Variants in DNAH14 observed in about 807,000 individuals in gnomAD.
DNAH14 encodes dynein axonemal heavy chain 14, also known as axonemal beta dynein heavy chain 14.
A neutral mutation model predicts 520.9 loss-of-function variants in DNAH14; 478 were observed. The observed-to-expected ratio is 0.92, with a 90% confidence interval of 0.85 to 0.99. DNAH14 has a LOEUF of 0.99. Among genes scored for constraint, DNAH14 ranks in the 50% least tolerant of loss-of-function variants. The pLI, the probability that DNAH14 is intolerant of heterozygous loss-of-function variation, is 0.00. For missense variants in DNAH14, 4,831 were observed against 5,234.5 expected, an observed-to-expected ratio of 0.92 and a Z score of 2.38; for synonymous variants, 1,581 against 1,757.2, an observed-to-expected ratio of 0.90 and a Z score of 2.51.
At chr1:225,208,546 A>G (rs913954546) in intron 41 of DNAH14, among the ~76,000 whole-genome samples, 1 of 152,186 alleles carries the variant, frequency 6.6e-6, no homozygotes, top group African/African-American at 2.4e-5. Flanking sequence ...ATAAAAATTG[A>G]AAGGTTAACA....
At chr1:225,376,916 G>A (rs1425124435) in intron 78 of DNAH14, among the ~76,000 whole-genome samples, 4 of 151,440 alleles carry the variant, frequency 2.6e-5, no homozygotes, top group Admixed American at 2.6e-4. Flanking sequence ...ATTTGTTCAA[G>A]CCTTATTGCA....
At chr1:225,074,296 G>A (rs1438765199) in intron 17 of DNAH14, among the ~76,000 whole-genome samples, 1 of 152,202 alleles carries the variant, frequency 6.6e-6, no homozygotes, top group African/African-American at 2.4e-5. Context: ...ACCGCGCCCG[G>A]CCTGTCTTAG....
intron 35 of DNAH14, among the ~76,000 whole-genome samples, chr1:225,165,061 T>G (rs1381513492): frequency 6.6e-6 from 1 of 152,138 alleles, no homozygotes; most frequent in Non-Finnish European, 1.5e-5. Flanking sequence ...CTGAGAACTT[T>G]AATATTTGAG....
At chr1:225,335,380 T>TGC in intron 66 of DNAH14, among the ~76,000 whole-genome samples, 1 of 43,568 alleles carries the variant, frequency 2.3e-5, no homozygotes, top group African/African-American at 1.5e-4. Context: ...TGTGTGTGTA[T>TGC]ATGCACATAT....
intron 6 of DNAH14, chr1:224,967,992 A>G: frequency 1.0e-6 from 1 of 998,952 alleles, no homozygotes; most frequent in Non-Finnish European, 1.2e-6. Context: ...GCATTTTGAT[A>G]TTTATCACAA....
At chr1:225,170,958 A>G (rs1431879036) in intron 36 of DNAH14, among the ~76,000 whole-genome samples, 1 of 152,224 alleles carries the variant, frequency 6.6e-6, no homozygotes, top group Non-Finnish European at 1.5e-5. Context: ...ACTCAGGATT[A>G]AGAAACTCAC....
intron 81 of DNAH14, among the ~76,000 whole-genome samples, chr1:225,384,673 AC>A (rs1284134023): frequency 6.6e-6 from 1 of 152,176 alleles, no homozygotes; most frequent in African/African-American, 2.4e-5. Flanking sequence ...CCAAGACTAA[AC>A]CAGGAAGAAG....
chr1:225,249,212 TATTCCTACTTA>T (rs2092440304), intron 43 of DNAH14, among the ~76,000 whole-genome samples: 1 of 152,208 alleles, frequency 6.6e-6, no homozygotes, highest in Admixed American at 6.5e-5. Context: ...TTATCCATTA[TATTCCTACTTA>T]ATTCACTAAC....
intron 7 of DNAH14, among the ~76,000 whole-genome samples, chr1:224,970,356 G>A (rs1028350296): frequency 1.3e-5 from 2 of 152,112 alleles, no homozygotes; most frequent in African/African-American, 2.4e-5. Flanking sequence ...ATGCGTGCCC[G>A]AAACTTCATT....
chr1:224,966,148 A>G (rs2489347), intron 5 of DNAH14, among the ~76,000 whole-genome samples: 13,985 of 152,124 alleles, frequency 0.092, 2,080 homozygotes, highest in African/African-American at 0.31. Context: ...TTTAGAGCTC[A>G]TTTATTTCCT....
chr1:225,026,135 A>G (rs2066101966), intron 11 of DNAH14, among the ~76,000 whole-genome samples: 1 of 151,682 alleles, frequency 6.6e-6, no homozygotes, highest in African/African-American at 2.4e-5. Flanking sequence ...CAACTAAGTT[A>G]TTTGTCTTTT....
chr1:224,966,011 A>G (rs1189147356), intron 5 of DNAH14, among the ~76,000 whole-genome samples: 1 of 152,158 alleles, frequency 6.6e-6, no homozygotes, highest in African/African-American at 2.4e-5. Flanking sequence ...TTAATTATAT[A>G]TATGATCTAT....
intron 37 of DNAH14, among the ~76,000 whole-genome samples, chr1:225,187,748 T>C (rs1573841911): frequency 6.6e-6 from 1 of 151,960 alleles, no homozygotes; most frequent in East Asian, 1.9e-4. Context: ...GTGTATCTTC[T>C]CTGGAGACAT....
chr1:225,152,638 C>T, intron 32 of DNAH14, 59 bp from the exon 33 acceptor site: 1 of 1,419,426 alleles, frequency 7.0e-7, no homozygotes, highest in Non-Finnish European at 9.4e-7. Flanking sequence ...GTATGTGATT[C>T]CTTATTTGAA....
intron 39 of DNAH14, 128 bp from the exon 40 acceptor site, chr1:225,205,843 C>G (rs2087483833): frequency 2.9e-6 from 2 of 701,568 alleles, no homozygotes; most frequent in South Asian, 3.9e-5. Flanking sequence ...AACACATTCA[C>G]TCTAGTGTTT....
chr1:225,389,593 C>A, intron 82 of DNAH14, 141 bp from the exon 83 acceptor site: 1 of 933,514 alleles, frequency 1.1e-6, no homozygotes, highest in African/African-American at 1.7e-5. Context: ...GGCTTCCATT[C>A]AAGGGCCTGA....
At chr1:225,140,717 TTATA>T (rs201300824) in intron 27 of DNAH14, 47 bp from the exon 28 acceptor site, 56 of 1,249,930 alleles carry the variant, frequency 4.5e-5, no homozygotes, top group South Asian at 1.8e-4. Flanking sequence ...TATGCTTCAA[TTATA>T]TATATATAGA....
chr1:225,118,849 C>T (rs1274625179), intron 25 of DNAH14, among the ~76,000 whole-genome samples: 1 of 147,780 alleles, frequency 6.8e-6, no homozygotes, highest in Non-Finnish European at 1.5e-5. Context: ...CACCATTGCA[C>T]TCCAGCCTGG....
chr1:225,276,942 AAAGGAAGGAAGGAAGG>A (rs1233915382), intron 53 of DNAH14, among the ~76,000 whole-genome samples: 4 of 68,950 alleles, frequency 5.8e-5, no homozygotes, highest in South Asian at 8.8e-4. Flanking sequence ...AGAAGAAGAA[AAAGGAAGGAAGGAAGG>A]AAGGAAGGAA....
Sources: allele counts gnomAD v4.1 joint callset (sites outside exome capture counted in the v4.1 genomes callset), GRCh38; gene constraint gnomAD v4.1.1; transcripts MANE v1.5; gene names NCBI Gene and HGNC (gene_info 2026-07-23, HGNC 2026-07-21).